Variants in HS3ST5 observed in about 807,000 individuals in gnomAD.
HS3ST5 encodes the protein heparan sulfate glucosamine 3-O-sulfotransferase 5.
Under a neutral mutation model 25.4 loss-of-function variants are expected in HS3ST5, and 10 were observed. The ratio of observed to expected loss-of-function variants is 0.39; its 90% CI spans 0.24 to 0.67. The LOEUF (loss-of-function observed/expected upper bound fraction) is 0.67. Ranked by LOEUF, HS3ST5 falls within the 30% of genes least tolerant of loss-of-function variation. The pLI is 0.44. For synonymous variants in HS3ST5, 170 were observed against 162.4 expected (o/e 1.05, Z -0.36); for missense variants, 324 against 420.7 (o/e 0.77, Z 2.01).
chr6:114,163,649 C>A (rs1016862885), intron 3 of HS3ST5, among the ~76,000 whole-genome samples: 6 of 152,024 alleles, frequency 3.9e-5, no homozygotes, highest in African/African-American at 1.2e-4. Flanking sequence ...TTTGAAAAAT[C>A]TGAGATGAAT....
chr6:114,234,213 G>A (rs1451802807), intron 1 of HS3ST5, among the ~76,000 whole-genome samples: 1 of 152,058 alleles, frequency 6.6e-6, no homozygotes, highest in African/African-American at 2.4e-5. Context: ...TATACAAGAA[G>A]TAATTGCCTT....
chr6:114,195,587 C>T lies in HS3ST5; in HGVS notation c.-144-27125G>A, dbSNP rs114620564. On this transcript the variant is annotated intron_variant, in intron 2 of 4. Transcript: ENST00000312719. Reference sequence around the variant, plus strand: ...TTTTATAATCCTGTGGGCTCATGGCCTCTGGCCTATGCTGAGAGGGGAGAA... The same window carrying T: ...TTTTATAATCCTGTGGGCTCATGGCTTCTGGCCTATGCTGAGAGGGGAGAA... Among the ~76,000 whole-genome samples the T allele has an allele frequency of 5.7e-3, 869 of 152,276 alleles. 7 individuals carry two copies. The highest frequency in any genetic ancestry group is 0.02 in the African/African-American group (835 of 41,546).
chr6:114,091,895 G>A (rs1281249970), intron 3 of HS3ST5, among the ~76,000 whole-genome samples: 1 of 152,086 alleles, frequency 6.6e-6, no homozygotes, highest in Non-Finnish European at 1.5e-5. Context: ...ATGTTTTCTG[G>A]TAGAGACTTG....
At chr6:114,142,514 G>A (rs1004041152) in intron 3 of HS3ST5, among the ~76,000 whole-genome samples, 4 of 152,184 alleles carry the variant, frequency 2.6e-5, no homozygotes, top group African/African-American at 9.7e-5. Flanking sequence ...GAGGGTGGGT[G>A]AGGATAACAC....
intron 1 of HS3ST5, among the ~76,000 whole-genome samples, chr6:114,336,813 GAGTT>G (rs769407189): frequency 2.6e-4 from 40 of 151,974 alleles, no homozygotes; most frequent in Non-Finnish European, 4.6e-4. Context: ...TCATTGACTT[GAGTT>G]AGTTAGCTAT....
chr6:114,096,489 G>A (rs2114808203), intron 3 of HS3ST5, among the ~76,000 whole-genome samples: 1 of 152,228 alleles, frequency 6.6e-6, no homozygotes. Flanking sequence ...TGAGATGACT[G>A]GAAAGGTTAC....
chr6:114,306,019 C>T (rs186313861), intron 1 of HS3ST5, among the ~76,000 whole-genome samples: 1 of 151,968 alleles, frequency 6.6e-6, no homozygotes, highest in Non-Finnish European at 1.5e-5. Flanking sequence ...TCAGAAAGTC[C>T]AAAGTCGCAT....
At chr6:114,256,251 G>T (rs1411078102) in intron 1 of HS3ST5, among the ~76,000 whole-genome samples, 1 of 151,986 alleles carries the variant, frequency 6.6e-6, no homozygotes, top group Non-Finnish European at 1.5e-5. Flanking sequence ...AGCTGGGCGT[G>T]GTGGTGGGCG....
chr6:114,197,560 C>A (rs954740924), intron 2 of HS3ST5, among the ~76,000 whole-genome samples: 1 of 152,018 alleles, frequency 6.6e-6, no homozygotes, highest in Non-Finnish European at 1.5e-5. Flanking sequence ...GAGGTTTGGG[C>A]TTCTATTGAT....
At chr6:114,214,784 C>T (rs1321008098) in intron 2 of HS3ST5, among the ~76,000 whole-genome samples, 2 of 152,168 alleles carry the variant, frequency 1.3e-5, no homozygotes, top group Non-Finnish European at 2.9e-5. Flanking sequence ...ATCACTGATG[C>T]TTCCAACTCT....
intron 3 of HS3ST5, among the ~76,000 whole-genome samples, chr6:114,165,919 T>G (rs1196287659): frequency 6.6e-6 from 1 of 152,132 alleles, no homozygotes; most frequent in African/African-American, 2.4e-5. Context: ...CGCTGGCTCC[T>G]GCCTATAATC....
chr6:114,276,774 CACA>C (rs1773874679), intron 1 of HS3ST5, among the ~76,000 whole-genome samples: 1 of 151,884 alleles, frequency 6.6e-6, no homozygotes, highest in African/African-American at 2.4e-5. Flanking sequence ...GTCTAATTGG[CACA>C]AAAGGCCTAT....
chr6:114,308,809 G>A (rs1010039641), intron 1 of HS3ST5, among the ~76,000 whole-genome samples: 6 of 152,108 alleles, frequency 3.9e-5, no homozygotes, highest in African/African-American at 1.4e-4. Context: ...TCTCTTGACA[G>A]CTCCCTGCAT....
Position 114,057,717 on chromosome 6 carries a change from G to C in HS3ST5, c.581C>G (p.Thr194Ser). 6.2e-7 allele frequency: 1 copy of C among 1,614,154 alleles called. No homozygotes were observed. Among genetic ancestry groups the C allele is most frequent in the South Asian group, 1.1e-5 (1 of 91,078 alleles). Residue 194 changes from threonine (T) to serine (S), a missense_variant, in exon 5 of 5, where the codon ACT becomes AGT. By Grantham distance (58) the Thr-to-Ser change is moderately conservative. Transcript: ENST00000312719. ...EPTTRAISDY[T>S]QVLEGKERKN... ...CCTCTCCTTCCCCTCTAGCACCTGA[G>C]TATAATCAGAAATAGCTCTTGTGGT... is the stretch of plus-strand genomic sequence containing the variant.
At chr6:114,079,007 C>T (rs772147148) in intron 3 of HS3ST5, among the ~76,000 whole-genome samples, 50 of 152,252 alleles carry the variant, frequency 3.3e-4, no homozygotes, top group Admixed American at 1.8e-3. Context: ...AAACAATGTA[C>T]GTGCCTTAAT....
In HS3ST5 at chr6:114,282,887, C is replaced by T. The variant is rs535676403; in HGVS notation, c.-338-54109G>A. On this transcript the variant is annotated intron_variant, in intron 1 of 4. Coordinates refer to ENST00000312719, the MANE Select transcript of HS3ST5 (RefSeq NM_153612.4). Reference sequence around the variant, plus strand: ...ATAATCTCTCAACTAAAGTTTCTCACGTAGAAAAAAGCTTTTTTCCCTAAA... The same window carrying T: ...ATAATCTCTCAACTAAAGTTTCTCATGTAGAAAAAAGCTTTTTTCCCTAAA... 8.2e-4 allele frequency among the ~76,000 whole-genome samples: 125 copies of T among 152,044 alleles called. 1 individual carries two copies. The highest frequency in any genetic ancestry group is 2.1e-4 in the South Asian group (1 of 4,828).
intron 2 of HS3ST5, among the ~76,000 whole-genome samples, chr6:114,217,739 C>T (rs1316849644): frequency 6.6e-6 from 1 of 152,194 alleles, no homozygotes; most frequent in Non-Finnish European, 1.5e-5. Context: ...CAAGGTCACG[C>T]AGCTAGTAAG....
chr6:114,285,696 C>T (rs2114755976), intron 1 of HS3ST5, among the ~76,000 whole-genome samples: 1 of 151,972 alleles, frequency 6.6e-6, no homozygotes, highest in East Asian at 2.0e-4. Flanking sequence ...GGAGGAAGAG[C>T]ATCAGGATAA....
chr6:114,241,392 T>C (rs1373635814), intron 1 of HS3ST5, among the ~76,000 whole-genome samples: 1 of 152,198 alleles, frequency 6.6e-6, no homozygotes, highest in Non-Finnish European at 1.5e-5. Flanking sequence ...CTTCTGTTAG[T>C]CCTTGTATTA....
Sources: allele counts gnomAD v4.1 joint callset (sites outside exome capture counted in the v4.1 genomes callset), GRCh38; gene constraint gnomAD v4.1.1; transcripts MANE v1.5; gene names NCBI Gene and HGNC (gene_info 2026-07-23, HGNC 2026-07-21).